The following BTBD9 variants were observed in gnomAD, a reference collection of about 807,000 sequenced individuals.
The protein encoded by BTBD9 is BTB/POZ domain-containing protein 9.
In BTBD9, 49 loss-of-function variants were observed where a neutral mutation model predicts 64.3. The observed-to-expected ratio is 0.76, with a 90% CI of 0.61 to 0.97. The LOEUF is 0.97. Among genes scored for constraint, BTBD9 ranks in the 50% least tolerant of loss-of-function variants. BTBD9 has a pLI of 0.00. For synonymous variants in BTBD9, 260 were observed against 274.7 expected, an observed-to-expected ratio of 0.95 and a Z score of 0.53; for missense variants, 598 against 762.1, an observed-to-expected ratio of 0.78 and a Z score of 2.53.
intron 9 of BTBD9, among the ~76,000 whole-genome samples, chr6:38,248,101 T>C (rs1372152001): frequency 6.6e-6 from 1 of 152,218 alleles, no homozygotes; most frequent in Non-Finnish European, 1.5e-5. Flanking sequence ...TCCGTAATTC[T>C]TTCTACTTAT....
intron 1 of BTBD9, among the ~76,000 whole-genome samples, chr6:38,609,868 C>T (rs1275944752): frequency 6.6e-5 from 10 of 151,986 alleles, no homozygotes; most frequent in African/African-American, 1.9e-4. Context: ...GGTATTTGAC[C>T]AACTCAGCTA....
intron 6 of BTBD9, among the ~76,000 whole-genome samples, chr6:38,414,356 C>G (rs1767570812): frequency 6.6e-6 from 1 of 152,180 alleles, no homozygotes; most frequent in Admixed American, 6.5e-5. Context: ...CATGGCATCT[C>G]ATACATAATA....
chr6:38,436,424 G>A (rs562894395), intron 6 of BTBD9, among the ~76,000 whole-genome samples: 1 of 136,296 alleles, frequency 7.3e-6, no homozygotes, highest in African/African-American at 2.8e-5. Context: ...TGCCCAGGCT[G>A]GAGGGCAACG....
intron 6 of BTBD9, among the ~76,000 whole-genome samples, chr6:38,463,668 C>G (rs560595942): frequency 1.4e-3 from 216 of 152,262 alleles, no homozygotes; most frequent in Non-Finnish European, 2.7e-3. Flanking sequence ...TCCTTCTACC[C>G]CCTAATTCAT....
Position 38,580,337 on chromosome 6 carries a change from C to T in BTBD9, c.915G>A (p.Leu305=). Residue 305 remains leucine (L), a synonymous_variant, in exon 5 of 11, where the codon TTG becomes TTA. Transcript: ENST00000481247. ...LLDGDTQNYD[L]DHGFSRHPID... Reference sequence around the variant, plus strand: ...TTGGGTGCCTTGAAAATCCATGATCCAAATCATAATTTTGAGTATCACCAT... The same window carrying T: ...TTGGGTGCCTTGAAAATCCATGATCTAAATCATAATTTTGAGTATCACCAT... 1 of 1,614,216 alleles carries T rather than the reference C, an allele frequency of 6.2e-7. No individual in the cohort carries two copies.
At chr6:38,352,367 ACT>A (rs758765576) in intron 6 of BTBD9, among the ~76,000 whole-genome samples, 24 of 151,558 alleles carry the variant, frequency 1.6e-4, no homozygotes, top group Non-Finnish European at 3.2e-4. Flanking sequence ...ACAAAGTGAA[ACT>A]CTGTCTGAAA....
chr6:38,563,612 C>A (rs1425538077), intron 6 of BTBD9, among the ~76,000 whole-genome samples: 1 of 152,052 alleles, frequency 6.6e-6, no homozygotes, highest in African/African-American at 2.4e-5. Flanking sequence ...CACATGCAGA[C>A]CTGTACGACC....
chr6:38,353,161 G>C (rs906315234), intron 6 of BTBD9, among the ~76,000 whole-genome samples: 1 of 152,130 alleles, frequency 6.6e-6, no homozygotes, highest in Non-Finnish European at 1.5e-5. Flanking sequence ...ATGAGTCTAA[G>C]GTGTAAACAT....
intron 9 of BTBD9, among the ~76,000 whole-genome samples, chr6:38,196,858 C>G (rs571906572): frequency 6.6e-6 from 1 of 152,140 alleles, no homozygotes; most frequent in African/African-American, 2.4e-5. Flanking sequence ...GGTGCCCAGA[C>G]CCACCCACAA....
chr6:38,259,770 ATCT>A (rs1764727820), intron 8 of BTBD9, among the ~76,000 whole-genome samples: 1 of 152,128 alleles, frequency 6.6e-6, no homozygotes, highest in Non-Finnish European at 1.5e-5. Context: ...TTTTGAACTC[ATCT>A]TTTAAGTAGA....
intron 6 of BTBD9, among the ~76,000 whole-genome samples, chr6:38,345,731 G>C (rs1764254191): frequency 6.6e-6 from 1 of 152,236 alleles, no homozygotes; most frequent in South Asian, 2.1e-4. Context: ...GGCCCAGCCT[G>C]CTCTGCAGCC....
chr6:38,585,533 C>G (rs1456049793), intron 4 of BTBD9, among the ~76,000 whole-genome samples: 2 of 152,148 alleles, frequency 1.3e-5, no homozygotes, highest in Admixed American at 6.5e-5. Context: ...TGATCTTGAA[C>G]CCCTTGCCTC....
In BTBD9 at chr6:38,592,856, A is replaced by C. The variant is rs775951733; in HGVS notation, c.550-16T>G. 10 of 1,611,998 alleles carry C rather than the reference A, an allele frequency of 6.2e-6. No individual in the cohort carries two copies. The highest frequency in any genetic ancestry group is 1.1e-5 in the South Asian group (1 of 90,844). On this transcript the variant is annotated splice_polypyrimidine_tract_variant and intron_variant, in intron 3 of 10. Transcript: ENST00000481247. ...AAAGTGCTGTCTGAAAAGGATAAAA[A>C]GGTAAAATTCCAGTTATATGAAGTT...
chr6:38,230,841 C>T (rs1763582148), intron 9 of BTBD9, among the ~76,000 whole-genome samples: 1 of 152,194 alleles, frequency 6.6e-6, no homozygotes, highest in African/African-American at 2.4e-5. Flanking sequence ...CTCAGAAAGG[C>T]CTTTCTGGCC....
intron 1 of BTBD9, among the ~76,000 whole-genome samples, chr6:38,634,283 A>G (rs1778458814): frequency 6.6e-6 from 1 of 152,242 alleles, no homozygotes; most frequent in South Asian, 2.1e-4. Context: ...TGTGTGCTAT[A>G]TGCCAAAAGT....
At chr6:38,432,235 C>T (rs935425252) in intron 6 of BTBD9, among the ~76,000 whole-genome samples, 1 of 152,046 alleles carries the variant, frequency 6.6e-6, no homozygotes, top group African/African-American at 2.4e-5. Context: ...GATTTCCCAG[C>T]CTCCAGCGCT....
chr6:38,568,201 C>G, intron 6 of BTBD9, among the ~76,000 whole-genome samples: 1 of 152,192 alleles, frequency 6.6e-6, no homozygotes, highest in Non-Finnish European at 1.5e-5. Flanking sequence ...GAATTATTAA[C>G]TACTCAACAA....
chr6:38,622,823 T>C (rs1778033480), intron 1 of BTBD9, among the ~76,000 whole-genome samples: 1 of 152,188 alleles, frequency 6.6e-6, no homozygotes, highest in African/African-American at 2.4e-5. Flanking sequence ...TCAGATGGCT[T>C]GTCGCCCTGC....
At chr6:38,597,172 C>CTGAT (rs1562397471) in intron 2 of BTBD9, among the ~76,000 whole-genome samples, 2 of 151,992 alleles carry the variant, frequency 1.3e-5, no homozygotes, top group African/African-American at 4.8e-5. Flanking sequence ...TTAATTCTGA[C>CTGAT]TATAAAAGCC....
Sources: gnomAD v4.1 joint callset for allele counts (sites outside exome capture counted in the v4.1 genomes callset) on GRCh38, gnomAD v4.1.1 for gene constraint, MANE v1.5 for transcripts, NCBI Gene and HGNC (gene_info 2026-07-23, HGNC 2026-07-21) for gene names.